Variants in PCDHA9 observed in about 807,000 individuals in gnomAD.
The protein encoded by PCDHA9 is protocadherin alpha-9.
Under a neutral mutation model 62.0 loss-of-function variants are expected in PCDHA9, and 62 were observed. The observed-to-expected ratio is 1.00, with a 90% CI of 0.81 to 1.23. The LOEUF is 1.23. PCDHA9 is among the 50% of genes most tolerant of loss of function. The pLI, the probability that PCDHA9 is intolerant of heterozygous loss-of-function variation, is 0.00. For synonymous variants in PCDHA9, 557 were observed against 567.6 expected (o/e 0.98, Z 0.27); for missense variants, 1,205 against 1,249.8 (o/e 0.96, Z 0.54).
intron 2 of PCDHA9, among the ~76,000 whole-genome samples, chr5:140,981,011 T>C (rs1363062809): frequency 6.6e-6 from 1 of 152,132 alleles, no homozygotes; most frequent in African/African-American, 2.4e-5. Flanking sequence ...CCAGGAACAC[T>C]TGAAGGCTGT....
intron 3 of PCDHA9, among the ~76,000 whole-genome samples, chr5:140,996,269 T>C (rs1183604392): frequency 6.6e-6 from 1 of 152,194 alleles, no homozygotes; most frequent in East Asian, 1.9e-4. Context: ...GAGCCTGGGA[T>C]TGCTGCCAAA....
intron 1 of PCDHA9, among the ~76,000 whole-genome samples, chr5:140,970,662 C>T (rs575204326): frequency 6.6e-6 from 1 of 152,268 alleles, no homozygotes; most frequent in South Asian, 2.1e-4. Flanking sequence ...TGTTATCTTT[C>T]CAAATAACTA....
chr5:140,986,236 T>C (rs1213371307), intron 3 of PCDHA9, among the ~76,000 whole-genome samples: 1 of 152,170 alleles, frequency 6.6e-6, no homozygotes. Flanking sequence ...CCCCTCTGTG[T>C]GAGCAGACCC....
intron 1 of PCDHA9, among the ~76,000 whole-genome samples, chr5:140,969,719 T>G (rs1448594057): frequency 7.9e-5 from 12 of 152,220 alleles, no homozygotes; most frequent in Non-Finnish European, 1.5e-4. Flanking sequence ...AGGGAAATTT[T>G]TCTTTTGAAA....
chr5:140,891,399 C>T (rs979878059), intron 1 of PCDHA9, among the ~76,000 whole-genome samples: 12 of 151,644 alleles, frequency 7.9e-5, no homozygotes, highest in African/African-American at 2.4e-4. Context: ...TTTTATCCCT[C>T]GCCACCCCCC....
intron 1 of PCDHA9, chr5:140,861,372 A>G (rs2046882996): frequency 8.6e-5 from 35 of 407,054 alleles, no homozygotes; most frequent in South Asian, 7.5e-4. Context: ...CGCGGTCCCT[A>G]TTGCGCAGGA....
At chr5:141,002,684 G>C (rs1432098268) in intron 3 of PCDHA9, among the ~76,000 whole-genome samples, 2 of 152,180 alleles carry the variant, frequency 1.3e-5, no homozygotes, top group Non-Finnish European at 2.9e-5. Context: ...TATACGACGT[G>C]CAGATTTGTT....
intron 1 of PCDHA9, among the ~76,000 whole-genome samples, chr5:140,965,185 CAT>C (rs782612335): frequency 4.6e-5 from 7 of 152,138 alleles, no homozygotes; most frequent in Non-Finnish European, 1.0e-4. Flanking sequence ...TTTTTTTGCA[CAT>C]GAGGCAATAG....
rs782723934 is a variant in PCDHA9, at chr5:140,857,452, G to A, written c.2394+6563G>A. The A allele has an allele frequency of 4.4e-6, 7 of 1,598,446 alleles. 1 individual carries two copies. The highest frequency in any genetic ancestry group is 4.3e-6 in the Non-Finnish European group (5 of 1,167,904). ...CGGTGTTCGTGAAGGAGAACAACCC[G>A]CCAGGCTGCCACATCTTCACGGTGT... On this transcript the variant is annotated intron_variant, in intron 1 of 3. Coordinates refer to ENST00000532602, the MANE Select transcript of PCDHA9 (RefSeq NM_031857.2).
chr5:140,932,608 T>C (rs573580763), intron 1 of PCDHA9, among the ~76,000 whole-genome samples: 1 of 151,996 alleles, frequency 6.6e-6, no homozygotes, highest in African/African-American at 2.4e-5. Flanking sequence ...TATTTTGACT[T>C]TGAAGCTGAT....
chr5:141,002,879 A>G (rs2098100373), intron 3 of PCDHA9, among the ~76,000 whole-genome samples: 1 of 152,228 alleles, frequency 6.6e-6, no homozygotes, highest in Non-Finnish European at 1.5e-5. Flanking sequence ...TCAAGAACAG[A>G]AAGAGAACAA....
chr5:141,004,883 A>T (rs1273215928), intron 3 of PCDHA9, among the ~76,000 whole-genome samples: 4 of 152,132 alleles, frequency 2.6e-5, no homozygotes, highest in Admixed American at 2.0e-4. Flanking sequence ...CTAAAGTGCT[A>T]TTGTGTCAGC....
At chr5:140,927,678 A>G in intron 1 of PCDHA9, 1 of 1,614,180 alleles carries the variant, frequency 6.2e-7, no homozygotes, top group Non-Finnish European at 8.5e-7. Context: ...ATCCAGATGA[A>G]GGGTCCAATG....
At chr5:140,863,233 C>T (rs2047882202) in intron 1 of PCDHA9, 3 of 1,240,302 alleles carry the variant, frequency 2.4e-6, no homozygotes, top group Non-Finnish European at 3.4e-6. Context: ...GGTCCCATCG[C>T]GGGCTTTGGC....
At chr5:140,992,486 A>G (rs2097515048) in intron 3 of PCDHA9, among the ~76,000 whole-genome samples, 1 of 152,182 alleles carries the variant, frequency 6.6e-6, no homozygotes, top group Non-Finnish European at 1.5e-5. Flanking sequence ...CCAGAGGCCA[A>G]TCTGTAAGGA....
intron 1 of PCDHA9, chr5:140,871,406 T>A: frequency 6.2e-7 from 1 of 1,614,032 alleles, no homozygotes; most frequent in African/African-American, 1.3e-5. Context: ...AAGACGGACC[T>A]CATGGCCTTC....
At chr5:140,862,241 T>C (rs1554155946) in intron 1 of PCDHA9, 3 of 213,712 alleles carry the variant, frequency 1.4e-5, no homozygotes, top group Non-Finnish European at 2.8e-5. Flanking sequence ...ACATCAATGA[T>C]AGTGTTCCAG....
intron 1 of PCDHA9, among the ~76,000 whole-genome samples, chr5:140,890,396 A>C (rs1466548320): frequency 1.3e-5 from 2 of 152,134 alleles, no homozygotes; most frequent in African/African-American, 4.8e-5. Context: ...ATAATCTATA[A>C]ATTTTAACTT....
chr5:140,925,964 CA>C lies in PCDHA9; in HGVS notation c.2395-52976del, dbSNP rs782520997. Among the ~76,000 whole-genome samples the C allele has an allele frequency of 8.1e-3, 1,224 of 150,190 alleles. 5 individuals carry two copies. The highest frequency in any genetic ancestry group is 0.019 in the African/African-American group (788 of 40,962). ...TGGAGAAGGAGAAACTGCTATCACG[CA>C]AAAAAAAAGCCTTGAGCTCGCTGGC... On this transcript the variant is annotated intron_variant, in intron 1 of 3. Transcript: ENST00000532602.
Sources: allele counts gnomAD v4.1 joint callset (sites outside exome capture counted in the v4.1 genomes callset), GRCh38; gene constraint gnomAD v4.1.1; transcripts MANE v1.5; gene names NCBI Gene and HGNC (gene_info 2026-07-23, HGNC 2026-07-21).